The following SH3GL1 variants were observed in gnomAD, a reference collection of about 807,000 sequenced individuals.
SH3GL1 encodes SH3 domain containing GRB2 like 1, endophilin A2, also known as endophilin-A2.
In SH3GL1, 21 loss-of-function variants were observed where a neutral mutation model predicts 48.8. The ratio of observed to expected loss-of-function variants is 0.43; its 90% CI spans 0.30 to 0.62. The LOEUF (loss-of-function observed/expected upper bound fraction) is 0.62, where lower values mean the gene tolerates loss of function less well. Among genes scored for constraint, SH3GL1 ranks in the 20% least tolerant of loss-of-function variants. SH3GL1 has a pLI of 0.11. For missense variants in SH3GL1, 454 were observed against 503.0 expected (o/e 0.90, Z 0.93); for synonymous variants, 282 against 217.5 (o/e 1.30, Z -2.61).
At chr19:4,397,681 C>T (rs182043053) in intron 1 of SH3GL1, among the ~76,000 whole-genome samples, 309 of 152,260 alleles carry the variant, frequency 2.0e-3, no homozygotes, top group African/African-American at 7.2e-3. Context: ...TAACCCAGGG[C>T]CAGGCCATCT....
intron 1 of SH3GL1, among the ~76,000 whole-genome samples, chr19:4,390,907 C>T (rs750540163): frequency 7.9e-5 from 12 of 152,188 alleles, no homozygotes; most frequent in African/African-American, 2.2e-4. Context: ...CTACTGGGGA[C>T]GTTGGCAGCA....
intron 1 of SH3GL1, among the ~76,000 whole-genome samples, chr19:4,370,729 A>C (rs1972882593): frequency 6.6e-6 from 1 of 152,252 alleles, no homozygotes; most frequent in Non-Finnish European, 1.5e-5. Flanking sequence ...CCTCCCACAG[A>C]GGCTGTGACA....
chr19:4,363,360 C>T lies in SH3GL1; in HGVS notation c.728+10G>A. 6.3e-7 allele frequency: 1 copy of T among 1,587,026 alleles called. No individual in the cohort carries two copies. The highest frequency in any genetic ancestry group is 8.6e-7 in the Non-Finnish European group (1 of 1,167,004). The stretch of plus-strand genomic sequence containing the variant: ...CCCAGACTCTGGAGAGACCAAGGCC[C>T]TGGGCTCACCTGCGCTTGAGCTTCT... On this transcript the variant is annotated intron_variant, in intron 7 of 9. Transcript: ENST00000269886.
intron 1 of SH3GL1, among the ~76,000 whole-genome samples, chr19:4,373,541 A>G (rs1052903391): frequency 7.2e-5 from 11 of 152,198 alleles, no homozygotes; most frequent in African/African-American, 2.7e-4. Flanking sequence ...CGCTGCCACC[A>G]TGGCCAGATT....
chr19:4,375,330 C>G (rs980642150), intron 1 of SH3GL1, among the ~76,000 whole-genome samples: 2 of 152,250 alleles, frequency 1.3e-5, no homozygotes, highest in Non-Finnish European at 2.9e-5. Context: ...CAAGGCCAGA[C>G]AGCAGGAGTG....
chr19:4,383,211 C>T (rs1056175559), intron 1 of SH3GL1, among the ~76,000 whole-genome samples: 2 of 144,700 alleles, frequency 1.4e-5, no homozygotes, highest in African/African-American at 5.1e-5. Context: ...AGCCACCACG[C>T]CTGGACATTT....
At chr19:4,370,277 G>T (rs1272984831) in intron 1 of SH3GL1, among the ~76,000 whole-genome samples, 1 of 152,200 alleles carries the variant, frequency 6.6e-6, no homozygotes, top group Non-Finnish European at 1.5e-5. Flanking sequence ...TCCTGCCGAG[G>T]GAGACTCTGC....
At chr19:4,366,349 T>C in intron 3 of SH3GL1, 152 bp downstream of exon 3, 1 of 645,850 alleles carries the variant, frequency 1.5e-6, no homozygotes, top group Non-Finnish European at 2.8e-6. Context: ...AAAGGCAGCA[T>C]GCAGCACCAA....
chr19:4,370,550 C>T (rs957325763), intron 1 of SH3GL1, among the ~76,000 whole-genome samples: 3 of 152,188 alleles, frequency 2.0e-5, no homozygotes, highest in Admixed American at 6.5e-5. Flanking sequence ...CCCACCTGGA[C>T]GGGGTCAGAG....
chr19:4,391,667 G>A (rs2144921405), intron 1 of SH3GL1, among the ~76,000 whole-genome samples: 1 of 152,326 alleles, frequency 6.6e-6, no homozygotes, highest in Admixed American at 6.5e-5. Flanking sequence ...GGCCAGGTGA[G>A]CCAGGTTTCA....
At chr19:4,382,280 C>T (rs1229666451) in intron 1 of SH3GL1, among the ~76,000 whole-genome samples, 12 of 106,984 alleles carry the variant, frequency 1.1e-4, no homozygotes, top group African/African-American at 1.7e-4. Context: ...TTTTTTGAGA[C>T]GGAGTCTCGC....
chr19:4,361,535 G>C lies in SH3GL1; in HGVS notation c.*65C>G, dbSNP rs903084252. 5 of 1,276,602 alleles carry C rather than the reference G, an allele frequency of 3.9e-6. No homozygotes were observed. Among genetic ancestry groups the C allele is most frequent in the East Asian group, 2.4e-5 (1 of 41,768 alleles). 79.1% of individuals were successfully genotyped at this position (1,276,602 alleles called of 1,614,324 possible). Reference sequence around the variant, plus strand: ...CCTGGCAGCAGGGGCTCCGTGGAATGCAGGAGACCCAGCAGGGGGTGCCGG... The same window carrying C: ...CCTGGCAGCAGGGGCTCCGTGGAATCCAGGAGACCCAGCAGGGGGTGCCGG... On this transcript the variant is annotated 3_prime_UTR_variant, in exon 10 of 10. Transcript: ENST00000269886.
chr19:4,362,763 C>CGAGGCGTGAGTG (rs1568406181), intron 7 of SH3GL1, 27 bp from the exon 8 acceptor site: 6 of 1,613,136 alleles, frequency 3.7e-6, no homozygotes, highest in Non-Finnish European at 5.1e-6. Flanking sequence ...GTGAGTGGAC[C>CGAGGCGTGAGTG]GAGCCCGTGT....
At chr19:4,363,290 A>G (rs1193245414) in intron 7 of SH3GL1, 80 bp downstream of exon 7, 2 of 1,071,130 alleles carry the variant, frequency 1.9e-6, no homozygotes, top group East Asian at 2.6e-5. Context: ...CTCACCCCAC[A>G]GCGAGGTGTG....
At chr19:4,361,895 AT>A in intron 9 of SH3GL1, 99 bp from the exon 10 acceptor site, 1 of 870,956 alleles carries the variant, frequency 1.1e-6, no homozygotes, top group South Asian at 1.5e-5. Flanking sequence ...GTGGGTGGGC[AT>A]GGGCCTCCCC....
At chr19:4,364,898 G>GTGTGTGTA (rs1157007038) in intron 4 of SH3GL1, among the ~76,000 whole-genome samples, 1 of 96,014 alleles carries the variant, frequency 1.0e-5, no homozygotes, top group Admixed American at 1.1e-4. Flanking sequence ...GTGTGTGTGT[G>GTGTGTGTA]TATATATATA....
intron 1 of SH3GL1, among the ~76,000 whole-genome samples, chr19:4,379,611 A>G (rs190928205): frequency 7.9e-5 from 12 of 151,726 alleles, no homozygotes; most frequent in Non-Finnish European, 1.5e-4. Flanking sequence ...CTGTCTTCCT[A>G]CCAGCTGGGA....
In SH3GL1 at chr19:4,363,731, G is replaced by A. The variant is rs573662769; in HGVS notation, c.613C>T (p.Leu205=). 3.1e-6 allele frequency: 5 copies of A among 1,613,470 alleles called. No individual in the cohort carries two copies. The highest frequency in any genetic ancestry group is 4.5e-5 in the East Asian group (2 of 44,882). Reference sequence around the variant, plus strand: ...CCCGAGCTACTCACGTCAGTCTCCAGGAGGTTGTGCATGCTGGTTTCTGCC... The same window carrying A: ...CCCGAGCTACTCACGTCAGTCTCCAAGAGGTTGTGCATGCTGGTTTCTGCC... ...EVAETSMHNL[L]ETDIEQVSQL... The change falls in exon 6 of 10, where the codon CTG becomes TTG. Residue 205 remains leucine, a synonymous_variant. Coordinates refer to ENST00000269886, the MANE Select transcript of SH3GL1 (RefSeq NM_003025.4).
intron 1 of SH3GL1, among the ~76,000 whole-genome samples, chr19:4,398,413 C>T (rs1221138154): frequency 2.6e-5 from 4 of 151,348 alleles, no homozygotes; most frequent in African/African-American, 7.3e-5. Context: ...GACGGAGTCT[C>T]GCTCTGTCAC....
Sources: allele counts gnomAD v4.1 joint callset (sites outside exome capture counted in the v4.1 genomes callset), GRCh38; gene constraint gnomAD v4.1.1; transcripts MANE v1.5; gene names NCBI Gene and HGNC (gene_info 2026-07-23, HGNC 2026-07-21).